The following XPO1 variants were observed in gnomAD, a reference collection of about 807,000 sequenced individuals.
XPO1 encodes exportin-1.
In XPO1, 5 loss-of-function variants were observed where a neutral mutation model predicts 133.3. That is an observed-to-expected ratio of 0.04 (90% CI 0.02 to 0.08). The LOEUF (loss-of-function observed/expected upper bound fraction) is 0.08, where lower values mean the gene tolerates loss of function less well. Among genes scored for constraint, XPO1 ranks in the 10% least tolerant of loss-of-function variants. XPO1 has a pLI of 1.00. For synonymous variants in XPO1, 419 were observed against 408.2 expected, an observed-to-expected ratio of 1.03 and a Z score of -0.32; for missense variants, 506 against 1,267.5, an observed-to-expected ratio of 0.40 and a Z score of 9.12.
chr2:61,493,390 C>T (rs1697087988), intron 12 of XPO1: 1 of 198,388 alleles, frequency 5.0e-6, no homozygotes, highest in Non-Finnish European at 1.0e-5. Flanking sequence ...GTGCCTGCAA[C>T]CAATTACTTG....
chr2:61,512,796 T>C (rs1361806368), intron 4 of XPO1, among the ~76,000 whole-genome samples: 1 of 152,174 alleles, frequency 6.6e-6, no homozygotes, highest in African/African-American at 2.4e-5. Flanking sequence ...ATCCCAGCAC[T>C]TTGGGAGGCT....
intron 2 of XPO1, 77 bp from the exon 3 acceptor site, chr2:61,526,598 G>C (rs1205205755): frequency 3.6e-6 from 4 of 1,098,288 alleles, no homozygotes; most frequent in East Asian, 2.9e-5. Flanking sequence ...AAACTACTGA[G>C]CAAGGCACAA....
intron 22 of XPO1, 48 bp from the exon 23 acceptor site, chr2:61,482,587 A>C (rs761949568): frequency 7.0e-7 from 1 of 1,433,132 alleles, no homozygotes; most frequent in South Asian, 1.4e-5. Context: ...ATATAACTAT[A>C]GATCTTAGCG....
intron 4 of XPO1, among the ~76,000 whole-genome samples, chr2:61,512,503 G>C (rs905519040): frequency 3.9e-5 from 6 of 152,192 alleles, no homozygotes; most frequent in Non-Finnish European, 8.8e-5. Context: ...AAGTGAGTTT[G>C]AACTGGGCTT....
rs754825585 is a variant in XPO1, at chr2:61,499,751, T to C, written c.552A>G (p.Gly184=). 2 of 1,607,308 alleles carry C rather than the reference T, an allele frequency of 1.2e-6. No individual in the cohort carries two copies. The highest frequency in any genetic ancestry group is 1.7e-5 in the Admixed American group (1 of 58,216). The change falls in exon 7 of 25, where the codon GGA becomes GGG. Residue 184 remains glycine, a synonymous_variant. Coordinates refer to ENST00000401558, the MANE Select transcript of XPO1 (RefSeq NM_003400.4). ...GCTTAGATTTGACTTGGGTTATCTG[T>C]CCACTAGAGAAATCAAATACTTCTT... The part of the protein sequence containing the change: ...LSEEVFDFSS[G]QITQVKSKHL...
chr2:61,521,221 TCA>T (rs1698673775), intron 4 of XPO1, among the ~76,000 whole-genome samples: 1 of 152,178 alleles, frequency 6.6e-6, no homozygotes, highest in Non-Finnish European at 1.5e-5. Flanking sequence ...TAAAATCTCA[TCA>T]CATTCAACTC....
At chr2:61,510,250 C>T (rs1698022457) in intron 4 of XPO1, among the ~76,000 whole-genome samples, 1 of 152,182 alleles carries the variant, frequency 6.6e-6, no homozygotes, top group Non-Finnish European at 1.5e-5. Flanking sequence ...GCAATCCAAG[C>T]AGCCTGGGCG....
At chr2:61,490,345 T>G (rs561410227) in intron 17 of XPO1, among the ~76,000 whole-genome samples, 11 of 152,028 alleles carry the variant, frequency 7.2e-5, no homozygotes, top group African/African-American at 2.4e-4. Context: ...ATTACAGGCA[T>G]GTGCAACCAC....
intron 4 of XPO1, among the ~76,000 whole-genome samples, chr2:61,511,880 T>C (rs1698115226): frequency 6.6e-6 from 1 of 152,138 alleles, no homozygotes; most frequent in South Asian, 2.1e-4. Flanking sequence ...TGCTGCAACC[T>C]ACCGAGTAGC....
chr2:61,536,355 A>G (rs898901012), intron 1 of XPO1: 3 of 152,266 alleles, frequency 2.0e-5, no homozygotes, highest in Non-Finnish European at 4.4e-5. Context: ...AACAAGCCAT[A>G]GTGCGAGAGG....
chr2:61,496,778 G>T, intron 10 of XPO1, 101 bp downstream of exon 10: 1 of 1,226,402 alleles, frequency 8.2e-7, no homozygotes, highest in Non-Finnish European at 1.1e-6. Flanking sequence ...AAAGATTATG[G>T]CTTATCTTTG....
chr2:61,478,710 T>TA lies in XPO1; in HGVS notation c.*109dup. On this transcript the variant is annotated 3_prime_UTR_variant, in exon 25 of 25. Coordinates refer to ENST00000401558, the MANE Select transcript of XPO1 (RefSeq NM_003400.4). The stretch of plus-strand genomic sequence containing the variant: ...AAAAACACATAAGAAAAAGGGCCAC[T>TA]AGGTGACATTTTAATTTACAAATTG... 2.6e-6 allele frequency: 3 copies of TA among 1,132,676 alleles called. No homozygotes were observed. Among genetic ancestry groups the TA allele is most frequent in the Non-Finnish European group, 3.7e-6 (3 of 821,116 alleles). 70.2% of individuals were successfully genotyped at this position (1,132,676 alleles called of 1,614,324 possible).
intron 10 of XPO1, 119 bp from the exon 11 acceptor site, chr2:61,495,732 T>TATG (rs1697211591): frequency 9.5e-7 from 1 of 1,048,998 alleles, no homozygotes; most frequent in Non-Finnish European, 1.3e-6. Flanking sequence ...AGTGCAGTGG[T>TATG]ATGACCAAAG....
At chr2:61,482,206 TCTGA>T (rs767804637) in intron 23 of XPO1, among the ~76,000 whole-genome samples, 170 bp downstream of exon 23, 83 of 23,340 alleles carry the variant, frequency 3.6e-3, no homozygotes, top group African/African-American at 0.02. Context: ...GCATACCACT[TCTGA>T]CTACTTTTTT....
intron 4 of XPO1, among the ~76,000 whole-genome samples, chr2:61,514,352 G>A (rs1698249586): frequency 6.6e-6 from 1 of 151,872 alleles, no homozygotes; most frequent in African/African-American, 2.4e-5. Flanking sequence ...CAGCACTTTG[G>A]GAGGCTGAGG....
chr2:61,514,371 T>TG (rs1698250572), intron 4 of XPO1, among the ~76,000 whole-genome samples: 2 of 152,058 alleles, frequency 1.3e-5, no homozygotes, highest in African/African-American at 4.8e-5. Context: ...GGTGGGCTGA[T>TG]TACCAGGTCA....
At chr2:61,536,695 G>T (rs947920678) in intron 1 of XPO1, 1 of 152,206 alleles carries the variant, frequency 6.6e-6, no homozygotes, top group African/African-American at 2.4e-5. Context: ...ATAGCACACA[G>T]GAGCACGCAC....
intron 11 of XPO1, among the ~76,000 whole-genome samples, chr2:61,495,246 T>C (rs1484300924): frequency 1.3e-5 from 2 of 152,202 alleles, no homozygotes; most frequent in Non-Finnish European, 2.9e-5. Flanking sequence ...ATTTTGATTA[T>C]AAATTTTTAG....
chr2:61,508,494 C>A (rs573785667), intron 4 of XPO1, among the ~76,000 whole-genome samples: 1 of 152,294 alleles, frequency 6.6e-6, no homozygotes, highest in East Asian at 1.9e-4. Context: ...AAACTTGCAA[C>A]TGCATAGTAT....
Sources: allele counts gnomAD v4.1 joint callset (sites outside exome capture counted in the v4.1 genomes callset), GRCh38; gene constraint gnomAD v4.1.1; transcripts MANE v1.5; gene names NCBI Gene and HGNC (gene_info 2026-07-23, HGNC 2026-07-21).